PTPRN2: variants seen among roughly 807,000 people sequenced by gnomAD.
PTPRN2 encodes the protein receptor-type tyrosine-protein phosphatase N2.
In PTPRN2, 74 loss-of-function variants were observed where a neutral mutation model predicts 118.8. The ratio of observed to expected loss-of-function variants is 0.62; its 90% CI spans 0.52 to 0.76. The LOEUF is 0.76. PTPRN2 is among the 30% of genes least tolerant of loss of function. PTPRN2 has a pLI of 0.00. For synonymous variants in PTPRN2, 641 were observed against 608.0 expected (o/e 1.05, Z -0.80); for missense variants, 1,481 against 1,394.4 (o/e 1.06, Z -0.99).
At chr7:157,735,977 C>T (rs979323617) in intron 12 of PTPRN2, among the ~76,000 whole-genome samples, 7 of 152,260 alleles carry the variant, frequency 4.6e-5, no homozygotes, top group Admixed American at 2.6e-4. Context: ...AGACAGGCTT[C>T]AAAGAAGGGT....
intron 3 of PTPRN2, among the ~76,000 whole-genome samples, chr7:158,305,322 G>T (rs2151058486): frequency 6.6e-6 from 1 of 152,230 alleles, no homozygotes; most frequent in Admixed American, 6.5e-5. Flanking sequence ...ACAAGGAAAG[G>T]ACAACAGAAA....
At chr7:158,056,260 C>A (rs1304046991) in intron 11 of PTPRN2, among the ~76,000 whole-genome samples, 1 of 152,142 alleles carries the variant, frequency 6.6e-6, no homozygotes, top group Non-Finnish European at 1.5e-5. Flanking sequence ...TTAATGGATG[C>A]CCTGAGCCAT....
chr7:158,380,812 C>T (rs1199132308), intron 2 of PTPRN2, among the ~76,000 whole-genome samples: 2 of 152,262 alleles, frequency 1.3e-5, no homozygotes, highest in Non-Finnish European at 2.9e-5. Flanking sequence ...GGCATCCAGG[C>T]ATTTCCATAC....
chr7:158,469,119 G>GTATGCACACTCACACACACTCCGGGTGGA (rs1819652328), intron 2 of PTPRN2, among the ~76,000 whole-genome samples: 2 of 151,798 alleles, frequency 1.3e-5, no homozygotes, highest in African/African-American at 2.4e-5. Flanking sequence ...TGGATCAACA[G>GTATGCACACTCACACACACTCCGGGTGGA]TGTCAGGCTT....
chr7:158,299,146 C>G (rs1450809943), intron 3 of PTPRN2, among the ~76,000 whole-genome samples: 1 of 152,140 alleles, frequency 6.6e-6, no homozygotes, highest in African/African-American at 2.4e-5. Flanking sequence ...TGACACTAAT[C>G]AATGCTTTTT....
chr7:157,878,347 TGTG>T (rs1795909968), intron 12 of PTPRN2, among the ~76,000 whole-genome samples: 1 of 147,124 alleles, frequency 6.8e-6, no homozygotes, highest in Non-Finnish European at 1.5e-5. Flanking sequence ...GAAGGGTCAG[TGTG>T]ATACCATGCA....
Position 158,525,419 on chromosome 7 carries a change from G to A in PTPRN2, c.113-35634C>T, listed in dbSNP as rs1046966733. Reference sequence around the variant, plus strand: ...CACGGGCCAGGTTTCCAGCCTGCCAGCCCCATCCAGACTTAAGGACGGAAA... The same window carrying A: ...CACGGGCCAGGTTTCCAGCCTGCCAACCCCATCCAGACTTAAGGACGGAAA... On this transcript the variant is annotated intron_variant, in intron 1 of 22. Coordinates refer to ENST00000389418, the MANE Select transcript of PTPRN2 (RefSeq NM_002847.5). The surrounding 1 kb of genome is among the most constrained non-coding windows in gnomAD (Gnocchi z 4.1). 2.0e-5 allele frequency among the ~76,000 whole-genome samples: 3 copies of A among 152,180 alleles called. No homozygotes were observed. Among genetic ancestry groups the A allele is most frequent in the Non-Finnish European group, 4.4e-5 (3 of 68,032 alleles).
rs1799134286 is a variant in PTPRN2, at chr7:157,560,523, A to G, written c.2902+8379T>C. 6.6e-6 allele frequency among the ~76,000 whole-genome samples: 1 copy of G among 152,142 alleles called. No individual in the cohort carries two copies. Among genetic ancestry groups the G allele is most frequent in the Non-Finnish European group, 1.5e-5 (1 of 67,998 alleles). On this transcript the variant is annotated intron_variant, in intron 21 of 22. Transcript: ENST00000389418. The surrounding 1 kb of genome is among the most constrained non-coding windows in gnomAD (Gnocchi z 6.7). ...GTCAGCCCCTTACACGGGACAGGGC[A>G]CTGCAGACCGGCCCGGGAACCTGGG...
At chr7:158,229,108 A>G (rs1393114035) in intron 3 of PTPRN2, among the ~76,000 whole-genome samples, 4 of 151,926 alleles carry the variant, frequency 2.6e-5, no homozygotes, top group Non-Finnish European at 5.9e-5. Flanking sequence ...CAGCACTCAG[A>G]TCTTTAACCT....
At chr7:157,643,816 T>A (rs1321961482) in intron 14 of PTPRN2, among the ~76,000 whole-genome samples, 1 of 152,204 alleles carries the variant, frequency 6.6e-6, no homozygotes, top group Admixed American at 6.5e-5. Flanking sequence ...AGCCTCTCCG[T>A]CAGGCCTCGA....
intron 2 of PTPRN2, among the ~76,000 whole-genome samples, chr7:158,343,488 G>A (rs1253650049): frequency 6.6e-6 from 1 of 152,206 alleles, no homozygotes; most frequent in Non-Finnish European, 1.5e-5. Flanking sequence ...CAGTCGCCGT[G>A]GAAAGCACAC....
chr7:157,623,803 A>G (rs1217752591), intron 14 of PTPRN2, among the ~76,000 whole-genome samples: 1 of 152,208 alleles, frequency 6.6e-6, no homozygotes, highest in Admixed American at 6.5e-5. Flanking sequence ...ATCTCTCTGC[A>G]CACGCCACTC....
At chr7:157,673,231 C>T (rs967008031) in intron 13 of PTPRN2, among the ~76,000 whole-genome samples, 2 of 152,156 alleles carry the variant, frequency 1.3e-5, no homozygotes. Context: ...GCCATGTTGG[C>T]CAGGCTGGTC....
At chr7:158,187,419 T>C (rs1323995495) in intron 5 of PTPRN2, among the ~76,000 whole-genome samples, 1 of 152,176 alleles carries the variant, frequency 6.6e-6, no homozygotes, top group Non-Finnish European at 1.5e-5. Context: ...CCAATTAAAA[T>C]ATTTCATCAG....
intron 11 of PTPRN2, among the ~76,000 whole-genome samples, chr7:157,939,997 A>G (rs75607958): frequency 6.6e-6 from 1 of 152,206 alleles, no homozygotes; most frequent in African/African-American, 2.4e-5. Flanking sequence ...GTGTCGCCGC[A>G]TGGGCAGCAG....
intron 1 of PTPRN2, among the ~76,000 whole-genome samples, chr7:158,523,114 G>A (rs1159070152): frequency 6.6e-6 from 1 of 152,182 alleles, no homozygotes; most frequent in Non-Finnish European, 1.5e-5. Context: ...AAGAGCGCAG[G>A]AGGCCAGGGT....
At chr7:158,368,354 A>G (rs1433066468) in intron 2 of PTPRN2, among the ~76,000 whole-genome samples, 1 of 152,190 alleles carries the variant, frequency 6.6e-6, no homozygotes, top group African/African-American at 2.4e-5. Context: ...GACTTTTCTT[A>G]GCGACTACCT....
chr7:157,714,599 C>A (rs2150898527), intron 12 of PTPRN2, among the ~76,000 whole-genome samples: 1 of 152,340 alleles, frequency 6.6e-6, no homozygotes, highest in South Asian at 2.1e-4. Context: ...ATATTCCAAA[C>A]CCTCCAGAAA....
intron 2 of PTPRN2, among the ~76,000 whole-genome samples, chr7:158,475,322 C>T (rs893992952): frequency 1.0e-5 from 1 of 98,680 alleles, no homozygotes; most frequent in African/African-American, 3.9e-5. Flanking sequence ...TGTCTGGGGC[C>T]AGATGCTGCT....
Sources: allele counts gnomAD v4.1 joint callset (sites outside exome capture counted in the v4.1 genomes callset), GRCh38; gene constraint gnomAD v4.1.1; non-coding constraint Gnocchi (gnomAD v3.1); transcripts MANE v1.5; gene names NCBI Gene and HGNC (gene_info 2026-07-23, HGNC 2026-07-21).